Variants in CNTN4 observed in about 807,000 individuals in gnomAD.
CNTN4 encodes contactin-4.
Under a neutral mutation model 122.5 loss-of-function variants are expected in CNTN4, and 77 were observed. That is an observed-to-expected ratio of 0.63 (90% CI 0.52 to 0.76). The LOEUF (loss-of-function observed/expected upper bound fraction) is 0.76. Among genes scored for constraint, CNTN4 ranks in the 30% least tolerant of loss-of-function variants. The pLI, the probability that CNTN4 is intolerant of heterozygous loss-of-function variation, is 0.00. For missense variants in CNTN4, 1,256 were observed against 1,259.1 expected, an observed-to-expected ratio of 1.00 and a Z score of 0.04; for synonymous variants, 512 against 447.0, an observed-to-expected ratio of 1.15 and a Z score of -1.83.
At chr3:2,754,983 A>C (rs547155999) in intron 6 of CNTN4, among the ~76,000 whole-genome samples, 1 of 152,232 alleles carries the variant, frequency 6.6e-6, no homozygotes, top group South Asian at 2.1e-4. Context: ...ACACTCTGAC[A>C]ACTGTAATGA....
intron 2 of CNTN4, among the ~76,000 whole-genome samples, chr3:2,154,570 A>G (rs2035637862): frequency 6.6e-6 from 1 of 152,216 alleles, no homozygotes; most frequent in African/African-American, 2.4e-5. Context: ...AAGTTCTATG[A>G]TCTGTAGTTG....
At chr3:2,536,296 C>T (rs1295580279) in intron 3 of CNTN4, among the ~76,000 whole-genome samples, 1 of 152,112 alleles carries the variant, frequency 6.6e-6, no homozygotes, top group Non-Finnish European at 1.5e-5. Flanking sequence ...TCTTTCGTCC[C>T]AGTTTTTAAG....
intron 3 of CNTN4, among the ~76,000 whole-genome samples, chr3:2,502,770 A>C (rs1393621624): frequency 1.3e-5 from 2 of 152,156 alleles, no homozygotes; most frequent in Non-Finnish European, 2.9e-5. Context: ...TTATCTGAGG[A>C]CACGACTAAT....
intron 2 of CNTN4, among the ~76,000 whole-genome samples, chr3:2,130,086 A>G (rs550886726): frequency 1.3e-5 from 2 of 152,310 alleles, no homozygotes; most frequent in East Asian, 1.9e-4. Context: ...CTTCATTATC[A>G]TAAGTAATGT....
chr3:2,186,397 G>T (rs1213516767), intron 2 of CNTN4, among the ~76,000 whole-genome samples: 2 of 152,116 alleles, frequency 1.3e-5, no homozygotes, highest in African/African-American at 2.4e-5. Context: ...ACATACGTGT[G>T]CATGTGTGTT....
At chr3:2,645,739 C>T (rs1280946681) in intron 4 of CNTN4, among the ~76,000 whole-genome samples, 1 of 152,170 alleles carries the variant, frequency 6.6e-6, no homozygotes, top group Non-Finnish European at 1.5e-5. Flanking sequence ...ACTTGAGGTT[C>T]ACTCTTTGTT....
chr3:3,022,489 A>G (rs778014937), intron 14 of CNTN4, among the ~76,000 whole-genome samples: 2 of 152,232 alleles, frequency 1.3e-5, no homozygotes, highest in African/African-American at 2.4e-5. Flanking sequence ...TAGAGACAAT[A>G]AAAGCTATAA....
intron 3 of CNTN4, among the ~76,000 whole-genome samples, chr3:2,342,726 T>C (rs1023722751): frequency 5.3e-5 from 8 of 152,230 alleles, no homozygotes; most frequent in African/African-American, 1.9e-4. Context: ...CCTTCCACCA[T>C]GATTTTAAGT....
intron 6 of CNTN4, among the ~76,000 whole-genome samples, chr3:2,817,438 A>G (rs748132398): frequency 3.3e-5 from 5 of 152,244 alleles, no homozygotes; most frequent in Non-Finnish European, 7.3e-5. Flanking sequence ...ATTTCAATTA[A>G]TGACTAATAA....
At chr3:2,156,620 G>A (rs754615518) in intron 2 of CNTN4, among the ~76,000 whole-genome samples, 8 of 152,198 alleles carry the variant, frequency 5.3e-5, no homozygotes, top group Non-Finnish European at 1.0e-4. Flanking sequence ...AAGTCTGTAA[G>A]ATCCGTTGTA....
intron 4 of CNTN4, among the ~76,000 whole-genome samples, chr3:2,630,780 G>A (rs151311267): frequency 7.3e-4 from 110 of 151,472 alleles, no homozygotes; most frequent in African/African-American, 2.2e-3. Flanking sequence ...GTTGAGTAGC[G>A]TTCTTATTTA....
chr3:2,599,484 C>G (rs1283959471), intron 4 of CNTN4, among the ~76,000 whole-genome samples: 1 of 152,108 alleles, frequency 6.6e-6, no homozygotes, highest in Non-Finnish European at 1.5e-5. Flanking sequence ...TTTGCTTAAA[C>G]TAAACCTTCT....
chr3:2,572,018 T>C (rs143960407), intron 4 of CNTN4, among the ~76,000 whole-genome samples: 343 of 152,330 alleles, frequency 2.3e-3, no homozygotes, highest in African/African-American at 7.9e-3. Context: ...TACTACAGTT[T>C]AGTAGGAACT....
At chr3:2,611,335 CA>C in intron 4 of CNTN4, among the ~76,000 whole-genome samples, 1 of 81,786 alleles carries the variant, frequency 1.2e-5, no homozygotes, top group African/African-American at 5.2e-5. Context: ...GAAACAAAAA[CA>C]AAAAACCTGT....
rs75144652 is a variant in CNTN4, at chr3:2,554,661, A to G, written c.-88-16755A>G. On this transcript the variant is annotated intron_variant, in intron 3 of 24. Transcript: ENST00000418658. ...TTTTGTCACACTACTTGCCTCTGCT[A>G]TAGTATCACAAAAGCAGTCATAGGC... is the stretch of plus-strand genomic sequence containing the variant. Among the ~76,000 whole-genome samples the G allele has an allele frequency of 1.8e-3, 268 of 152,298 alleles. 4 individuals carry two copies. The East Asian group carries it at 0.036, about 21-fold the overall frequency.
intron 13 of CNTN4, among the ~76,000 whole-genome samples, chr3:2,972,468 C>T (rs1693018995): frequency 6.6e-6 from 1 of 152,034 alleles, no homozygotes; most frequent in Non-Finnish European, 1.5e-5. Context: ...AAGCATGATT[C>T]GTTAGGGATA....
chr3:2,132,431 G>A (rs2034495545), intron 2 of CNTN4: 1 of 152,176 alleles, frequency 6.6e-6, no homozygotes, highest in South Asian at 2.1e-4. Context: ...TCCAATAGCA[G>A]ATATCCAGAA....
chr3:2,509,758 A>AT (rs1262470957), intron 3 of CNTN4, among the ~76,000 whole-genome samples: 1 of 152,110 alleles, frequency 6.6e-6, no homozygotes, highest in Non-Finnish European at 1.5e-5. Context: ...AATGATACAC[A>AT]TTTTTTCACA....
chr3:2,662,163 G>A (rs1057222655), intron 4 of CNTN4, among the ~76,000 whole-genome samples: 3 of 152,192 alleles, frequency 2.0e-5, no homozygotes, highest in African/African-American at 7.2e-5. Context: ...ATACAGTTTA[G>A]TAATTAGTGT....
Sources: gnomAD v4.1 joint callset for allele counts (sites outside exome capture counted in the v4.1 genomes callset) on GRCh38, gnomAD v4.1.1 for gene constraint, MANE v1.5 for transcripts, NCBI Gene and HGNC (gene_info 2026-07-23, HGNC 2026-07-21) for gene names.